The following TENM4 variants were observed in gnomAD, a reference collection of about 807,000 sequenced individuals.
TENM4 encodes teneurin transmembrane protein 4, also known as teneurin-4.
In TENM4, 82 loss-of-function variants were observed where a neutral mutation model predicts 243.3. The observed-to-expected ratio is 0.34, with a 90% confidence interval of 0.28 to 0.40. TENM4 has a LOEUF of 0.40. TENM4 is among the 10% of genes least tolerant of loss of function. TENM4 has a pLI of 1.00. For missense variants in TENM4, 3,138 were observed against 3,673.3 expected (o/e 0.85, Z 3.77); for synonymous variants, 1,412 against 1,456.3 (o/e 0.97, Z 0.69).
At position 79,070,029 on chromosome 11, in the gene TENM4, A is replaced by G. The variant is rs1860370731; in HGVS notation, c.-65-20T>C. 5 of 1,485,932 alleles carry G rather than the reference A, an allele frequency of 3.4e-6. No homozygotes were observed. Among genetic ancestry groups the G allele is most frequent in the Non-Finnish European group, 4.5e-6 (5 of 1,121,134 alleles). 92.0% of individuals were successfully genotyped at this position (1,485,932 alleles called of 1,614,324 possible). A position where few individuals can be genotyped will look rare whatever the true frequency, so the allele number is the denominator to read the frequency against. Reference sequence around the variant, plus strand: ...AGTGGTCTAGAGCCAGGGAAACCAAAGATAGGGCGTGAGAGGCAGAGAACA... The same window carrying G: ...AGTGGTCTAGAGCCAGGGAAACCAAGGATAGGGCGTGAGAGGCAGAGAACA... On this transcript the variant is annotated intron_variant, in intron 4 of 33. Coordinates refer to ENST00000278550, the MANE Select transcript of TENM4 (RefSeq NM_001098816.3).
rs1027560030 is a variant in TENM4 at position 79,148,690 on chromosome 11, T to A, written c.-66+20A>T. On this transcript the variant is annotated intron_variant, in intron 4 of 33. Coordinates refer to ENST00000278550, the MANE Select transcript of TENM4 (RefSeq NM_001098816.3). ...CTTAAATCATGAATACTCTCTGAAG[T>A]GTAAAAAAAATCAACTCACTTTTCT... 24 of 833,296 alleles carry A rather than the reference T, an allele frequency of 2.9e-5. No homozygotes were observed. The highest frequency in any genetic ancestry group is 5.6e-5 in the African/African-American group (3 of 53,696). The allele number at this position is 833,296 out of a possible 1,614,324, so 51.6% of individuals were successfully genotyped here.
rs78363927 is a variant in TENM4, at chr11:78,989,536, G to C, written c.493+75202C>G. 2.1e-4 allele frequency among the ~76,000 whole-genome samples: 32 copies of C among 152,308 alleles called. No individual in the cohort carries two copies. The East Asian group carries it at 6.2e-3, about 29-fold the overall frequency. Reference sequence around the variant, plus strand: ...CATCTTCTGAGAACATGAAGAACAAGTGTTAAGAACTCTCTTTAGAGAAAT... The same window carrying C: ...CATCTTCTGAGAACATGAAGAACAACTGTTAAGAACTCTCTTTAGAGAAAT... On this transcript the variant is annotated intron_variant, in intron 6 of 33. Transcript: ENST00000278550.
At chr11:79,329,328 C>T (rs1857024358) in intron 1 of TENM4, among the ~76,000 whole-genome samples, 2 of 152,304 alleles carry the variant, frequency 1.3e-5, no homozygotes, top group Admixed American at 6.5e-5. Flanking sequence ...ACGGGAGAGG[C>T]CTTTGCTGGG....
At chr11:78,865,471 A>G (rs1406115751) in intron 9 of TENM4, among the ~76,000 whole-genome samples, 1 of 152,170 alleles carries the variant, frequency 6.6e-6, no homozygotes, top group Non-Finnish European at 1.5e-5. Flanking sequence ...CCTTTTGTAC[A>G]TCAAACAGCC....
intron 3 of TENM4, among the ~76,000 whole-genome samples, chr11:79,187,458 T>C (rs1590777297): frequency 1.3e-5 from 2 of 152,296 alleles, no homozygotes; most frequent in South Asian, 2.1e-4. Flanking sequence ...CTTTTGTCAA[T>C]AGTGGTTTGA....
chr11:79,211,475 T>G (rs1474506656), intron 3 of TENM4, among the ~76,000 whole-genome samples: 1 of 152,196 alleles, frequency 6.6e-6, no homozygotes, highest in African/African-American at 2.4e-5. Flanking sequence ...GTCAAAACTA[T>G]TTATAACAAT....
Position 78,658,147 on chromosome 11 carries a change from A to C in TENM4, c.8221T>G (p.Phe2741Val). The change falls in exon 34 of 34, where the codon TTC becomes GTC. Residue 2741 changes from phenylalanine (F) to valine (V), a missense_variant. Physicochemically the swap from Phe to Val is conservative, Grantham distance 50 (BLOSUM62 -1). This residue lies in a region of TENM4 where 2,467 missense variants were observed against 3,059.1 expected (regional missense o/e 0.81). Transcript: ENST00000278550. Reference protein sequence around the residue: ...TGRVQGYDGFFVISVEQYPEL... With the variant: ...TGRVQGYDGFVVISVEQYPEL... The stretch of plus-strand genomic sequence containing the variant: ...GGGTACTGCTCGACAGAGATCACGA[A>C]AAAGCCGTCGTAGCCTTGCACCCGC... 6.2e-7 allele frequency: 1 copy of C among 1,613,990 alleles called. No homozygotes were observed. The highest frequency in any genetic ancestry group is 8.5e-7 in the Non-Finnish European group (1 of 1,179,880).
At chr11:79,043,210 G>C (rs777717100) in intron 6 of TENM4, among the ~76,000 whole-genome samples, 2 of 152,148 alleles carry the variant, frequency 1.3e-5, no homozygotes, top group Non-Finnish European at 2.9e-5. Context: ...CTGCTAGATG[G>C]AAACACCTCA....
chr11:79,338,476 C>T (rs1002752829), intron 1 of TENM4, among the ~76,000 whole-genome samples: 6 of 152,238 alleles, frequency 3.9e-5, no homozygotes, highest in African/African-American at 1.4e-4. Context: ...CTCAGCACCT[C>T]CAAGTGACCT....
At chr11:79,168,945 C>T (rs1030882579) in intron 3 of TENM4, among the ~76,000 whole-genome samples, 1 of 152,184 alleles carries the variant, frequency 6.6e-6, no homozygotes, top group African/African-American at 2.4e-5. Context: ...GCCCAGTCTA[C>T]CCCCACCCAC....
chr11:78,667,617 T>C (rs529721146), intron 32 of TENM4, among the ~76,000 whole-genome samples: 5 of 152,212 alleles, frequency 3.3e-5, no homozygotes, highest in Admixed American at 6.5e-5. Flanking sequence ...GTGCAAACCT[T>C]TGTCATGGTC....
chr11:78,786,695 G>C (rs1856942300), intron 16 of TENM4, among the ~76,000 whole-genome samples: 1 of 152,220 alleles, frequency 6.6e-6, no homozygotes, highest in Non-Finnish European at 1.5e-5. Context: ...ATGGAAATTG[G>C]GAGTAATAAG....
intron 18 of TENM4, among the ~76,000 whole-genome samples, chr11:78,763,497 G>A (rs1856475541): frequency 6.6e-6 from 1 of 152,222 alleles, no homozygotes; most frequent in Non-Finnish European, 1.5e-5. Context: ...TGCTGCTGGT[G>A]CATGGAGGGC....
At chr11:78,945,773 T>C (rs976885831) in intron 6 of TENM4, among the ~76,000 whole-genome samples, 2 of 152,186 alleles carry the variant, frequency 1.3e-5, no homozygotes, top group African/African-American at 4.8e-5. Flanking sequence ...TTTTATGTTT[T>C]ATGGAGAAAG....
At chr11:78,996,820 C>T (rs1858184114) in intron 6 of TENM4, among the ~76,000 whole-genome samples, 1 of 152,146 alleles carries the variant, frequency 6.6e-6, no homozygotes, top group Non-Finnish European at 1.5e-5. Flanking sequence ...TTTGGGATGA[C>T]CCTGGGGCAG....
chr11:78,714,127 C>A (rs1343464659), intron 25 of TENM4, among the ~76,000 whole-genome samples: 1 of 152,158 alleles, frequency 6.6e-6, no homozygotes, highest in African/African-American at 2.4e-5. Context: ...ACTGCAGACC[C>A]CCTTCAAGAT....
At chr11:79,123,014 C>A (rs76715007) in intron 4 of TENM4, among the ~76,000 whole-genome samples, 1 of 152,172 alleles carries the variant, frequency 6.6e-6, no homozygotes, top group African/African-American at 2.4e-5. Flanking sequence ...AATGAAGCAA[C>A]GTCATCCTGG....
chr11:78,855,891 G>A, intron 11 of TENM4, 73 bp downstream of exon 11: 3 of 1,407,380 alleles, frequency 2.1e-6, no homozygotes, highest in Non-Finnish European at 9.7e-7. Flanking sequence ...TCTGGATTGG[G>A]CTTCTTAACT....
chr11:78,765,294 CAA>C (rs764137959), intron 18 of TENM4, among the ~76,000 whole-genome samples: 75 of 152,234 alleles, frequency 4.9e-4, no homozygotes, highest in Middle Eastern at 3.4e-3. Context: ...CGTTAGAACA[CAA>C]GATTTTTAAA....
Sources: gnomAD v4.1 joint callset for allele counts (sites outside exome capture counted in the v4.1 genomes callset) on GRCh38, gnomAD v4.1.1 for gene constraint, gnomAD v4.1.1 regional missense constraint, MANE v1.5 for transcripts, NCBI Gene and HGNC (gene_info 2026-07-23, HGNC 2026-07-21) for gene names.